The following MYO1B variants were observed in gnomAD, a reference collection of about 807,000 sequenced individuals.
MYO1B encodes unconventional myosin-Ib.
In MYO1B, 72 loss-of-function variants were observed where a neutral mutation model predicts 159.7. That is an observed-to-expected ratio of 0.45 (90% CI 0.37 to 0.55). The LOEUF (loss-of-function observed/expected upper bound fraction) is 0.55. Ranked by LOEUF, MYO1B falls within the 20% of genes least tolerant of loss-of-function variation. The pLI, the probability that MYO1B is intolerant of heterozygous loss-of-function variation, is 0.00. For synonymous variants in MYO1B, 468 were observed against 473.8 expected, an observed-to-expected ratio of 0.99 and a Z score of 0.16; for missense variants, 1,062 against 1,364.8, an observed-to-expected ratio of 0.78 and a Z score of 3.50.
chr2:191,327,709 G>A (rs1033328028), intron 3 of MYO1B, among the ~76,000 whole-genome samples: 25 of 152,240 alleles, frequency 1.6e-4, no homozygotes, highest in Admixed American at 1.4e-3. Flanking sequence ...GGCTTTGGTT[G>A]TGTAGAGAAT....
chr2:191,408,252 A>G, intron 25 of MYO1B, 63 bp downstream of exon 25: 3 of 1,189,016 alleles, frequency 2.5e-6, no homozygotes, highest in Non-Finnish European at 3.7e-6. Flanking sequence ...TAATATCACC[A>G]ACTCCATAAA....
At chr2:191,421,040 A>G (rs535438440) in intron 30 of MYO1B, among the ~76,000 whole-genome samples, 221 of 150,760 alleles carry the variant, frequency 1.5e-3, no homozygotes, top group African/African-American at 5.3e-3. Flanking sequence ...TCCTCAATAT[A>G]TCTTGCCTAT....
chr2:191,402,499 A>G, intron 23 of MYO1B, 133 bp from the exon 24 acceptor site: 1 of 755,010 alleles, frequency 1.3e-6, no homozygotes, highest in South Asian at 1.6e-5. Context: ...TTAAATTGTT[A>G]TGCACTGTTC....
chr2:191,359,244 A>C (rs10166275), intron 7 of MYO1B, among the ~76,000 whole-genome samples: 3,939 of 150,444 alleles, frequency 0.026, 164 homozygotes, highest in African/African-American at 0.089. Context: ...CATTTTTTAG[A>C]GATGGTAACT....
intron 1 of MYO1B, chr2:191,247,812 G>A: frequency 2.7e-6 from 1 of 374,314 alleles, no homozygotes; most frequent in Middle Eastern, 1.4e-3. Context: ...TAAGTGGCTG[G>A]TCTCTGGTCT....
At chr2:191,325,116 G>A (rs1278784803) in intron 3 of MYO1B, among the ~76,000 whole-genome samples, 2 of 152,096 alleles carry the variant, frequency 1.3e-5, no homozygotes, top group Non-Finnish European at 2.9e-5. Flanking sequence ...AGTTAGAATT[G>A]GGGAAGCACA....
At chr2:191,353,467 A>G (rs1195425636) in intron 7 of MYO1B, among the ~76,000 whole-genome samples, 1 of 152,224 alleles carries the variant, frequency 6.6e-6, no homozygotes, top group Non-Finnish European at 1.5e-5. Flanking sequence ...CTATGAAGAA[A>G]CTATTATTTC....
At chr2:191,282,878 G>A (rs1226496168) in intron 2 of MYO1B, among the ~76,000 whole-genome samples, 1 of 152,142 alleles carries the variant, frequency 6.6e-6, no homozygotes, top group East Asian at 1.9e-4. Flanking sequence ...GTATGTGAGT[G>A]GTTTACCATC....
At chr2:191,342,032 G>A (rs1692256176) in intron 5 of MYO1B, among the ~76,000 whole-genome samples, 2 of 152,156 alleles carry the variant, frequency 1.3e-5, no homozygotes, top group Admixed American at 1.3e-4. Context: ...TTAGTTCTCT[G>A]TCTTAGCTTG....
At chr2:191,411,239 C>T (rs565857498) in intron 27 of MYO1B, 67 bp downstream of exon 27, 76 of 992,128 alleles carry the variant, frequency 7.7e-5, no homozygotes, top group African/African-American at 7.3e-4. Flanking sequence ...ATTTGTACGC[C>T]GTTTTGCCTG....
intron 2 of MYO1B, among the ~76,000 whole-genome samples, chr2:191,282,140 G>A (rs976889548): frequency 1.1e-4 from 16 of 152,186 alleles, no homozygotes; most frequent in African/African-American, 3.6e-4. Flanking sequence ...CCCACCTCAT[G>A]GGTATAATCT....
chr2:191,361,691 AC>A (rs1205594623), intron 8 of MYO1B, among the ~76,000 whole-genome samples: 2 of 151,988 alleles, frequency 1.3e-5, no homozygotes, highest in Admixed American at 1.3e-4. Context: ...CAGAGTTGTC[AC>A]TGATCTGCTT....
chr2:191,260,354 TTGTA>T (rs1230481814), intron 1 of MYO1B, among the ~76,000 whole-genome samples: 1 of 150,190 alleles, frequency 6.7e-6, no homozygotes, highest in African/African-American at 2.4e-5. Flanking sequence ...CAGGATTGAC[TTGTA>T]TGTATGTGTT....
chr2:191,248,815 T>G (rs1427720104), intron 1 of MYO1B, among the ~76,000 whole-genome samples: 1 of 152,228 alleles, frequency 6.6e-6, no homozygotes, highest in Non-Finnish European at 1.5e-5. Flanking sequence ...ATTTTAATAA[T>G]AACAACAGTT....
chr2:191,248,942 A>G (rs955559899), intron 1 of MYO1B, among the ~76,000 whole-genome samples: 1 of 152,240 alleles, frequency 6.6e-6, no homozygotes, highest in Non-Finnish European at 1.5e-5. Flanking sequence ...TTAGGACATT[A>G]CAACTCTTAG....
At chr2:191,306,699 A>G (rs919388794) in intron 3 of MYO1B, among the ~76,000 whole-genome samples, 1 of 152,070 alleles carries the variant, frequency 6.6e-6, no homozygotes, top group Admixed American at 6.5e-5. Context: ...AAGGGGGATC[A>G]GAGGGAGAAA....
At chr2:191,418,858 A>G (rs1697749455) in intron 30 of MYO1B, among the ~76,000 whole-genome samples, 1 of 152,214 alleles carries the variant, frequency 6.6e-6, no homozygotes, top group Non-Finnish European at 1.5e-5. Flanking sequence ...CAGCTGCCTT[A>G]TAGTTTCTAG....
At chr2:191,282,933 A>G (rs904273388) in intron 2 of MYO1B, among the ~76,000 whole-genome samples, 1 of 152,248 alleles carries the variant, frequency 6.6e-6, no homozygotes, top group Admixed American at 6.5e-5. Context: ...TAGACCATTA[A>G]GGTAAACATT....
At chr2:191,382,656 A>G (rs762494665) in intron 14 of MYO1B, among the ~76,000 whole-genome samples, 12 of 152,226 alleles carry the variant, frequency 7.9e-5, no homozygotes, top group Non-Finnish European at 1.8e-4. Context: ...ACATTTATGG[A>G]CAGAATGTTA....
Sources: allele counts gnomAD v4.1 joint callset (sites outside exome capture counted in the v4.1 genomes callset), GRCh38; gene constraint gnomAD v4.1.1; transcripts MANE v1.5; gene names NCBI Gene and HGNC (gene_info 2026-07-23, HGNC 2026-07-21).